MSRB3: variants seen among roughly 807,000 people sequenced by gnomAD.
MSRB3 encodes the protein methionine-R-sulfoxide reductase B3.
Under a neutral mutation model 21.0 loss-of-function variants are expected in MSRB3, and 13 were observed. The observed-to-expected ratio is 0.62, with a 90% CI of 0.40 to 0.98. The LOEUF (loss-of-function observed/expected upper bound fraction) is 0.98. Ranked by LOEUF, MSRB3 falls within the 50% of genes least tolerant of loss-of-function variation. The pLI, the probability that MSRB3 is intolerant of heterozygous loss-of-function variation, is 0.00. For missense variants in MSRB3, 199 were observed against 230.3 expected, an observed-to-expected ratio of 0.86 and a Z score of 0.88; for synonymous variants, 87 against 88.6, an observed-to-expected ratio of 0.98 and a Z score of 0.10.
intron 5 of MSRB3, among the ~76,000 whole-genome samples, chr12:65,446,304 G>A (rs1882614268): frequency 6.6e-6 from 1 of 152,196 alleles, no homozygotes; most frequent in South Asian, 2.1e-4. Context: ...CATTGCAGAT[G>A]TCATAAAAGT....
At position 65,463,467 on chromosome 12, in the gene MSRB3, G is replaced by A; in HGVS notation, c.*145G>A. The A allele has an allele frequency of 1.0e-6, 1 of 983,160 alleles. No homozygotes were observed. The highest frequency in any genetic ancestry group is 1.5e-6 in the Non-Finnish European group (1 of 675,826). The allele number at this position is 983,160 out of a possible 1,614,324, so 60.9% of individuals were successfully genotyped here. On this transcript the variant is annotated 3_prime_UTR_variant, in exon 7 of 7. Coordinates refer to ENST00000308259, the MANE Select transcript of MSRB3 (RefSeq NM_001031679.3). Reference sequence around the variant, plus strand: ...TATTTTTTCTTCTTTTGCTTAAACAGAAGCCCTGGCCATCCATGTATTTTG... The same window carrying A: ...TATTTTTTCTTCTTTTGCTTAAACAAAAGCCCTGGCCATCCATGTATTTTG...
At chr12:65,374,970 C>G in intron 5 of MSRB3, among the ~76,000 whole-genome samples, 1 of 151,664 alleles carries the variant, frequency 6.6e-6, no homozygotes, top group Middle Eastern at 3.2e-3. Context: ...CTGCTTCAGC[C>G]TCTCGAGTAG....
In MSRB3 at chr12:65,453,212, T is replaced by G. The variant is rs192313447; in HGVS notation, c.293-516T>G. Among the ~76,000 whole-genome samples, 387 of 152,228 alleles carry G rather than the reference T, an allele frequency of 2.5e-3. 1 individual carries two copies. Among genetic ancestry groups the G allele is most frequent in the Non-Finnish European group, 4.7e-3 (318 of 68,014 alleles). ...CCAGATAACCCTTTTTCCAGGAAAT[T>G]AGATGAGGATGGTGACAACAGGATA... On this transcript the variant is annotated intron_variant, in intron 5 of 6. Coordinates refer to ENST00000308259, the MANE Select transcript of MSRB3 (RefSeq NM_001031679.3).
At chr12:65,316,115 C>G (rs1874280651) in intron 2 of MSRB3, 4 of 152,116 alleles carry the variant, frequency 2.6e-5, no homozygotes, top group Admixed American at 2.6e-4. Flanking sequence ...TCTGTATTTA[C>G]TAGTTTGTTT....
In MSRB3 at chr12:65,307,125, T is replaced by C. The variant is rs565410077; in HGVS notation, c.-51-1404T>C. ...AGTGTTGTGAGGTATAGACCTTTGA[T>C]CTTTTATTAGTCAGTAGTCTGCTCC... is the stretch of plus-strand genomic sequence containing the variant. On this transcript the variant is annotated intron_variant, in intron 1 of 6. Transcript: ENST00000308259. The C allele has an allele frequency of 1.8e-4, 142 of 778,068 alleles. 1 individual carries two copies. The African/African-American group carries it at 2.6e-3, about 14-fold the overall frequency. 48.2% of individuals were successfully genotyped at this position (778,068 alleles called of 1,614,324 possible). A position where few individuals can be genotyped will look rare whatever the true frequency, so the allele number is the denominator to read the frequency against.
At chr12:65,441,119 CGTCT>C (rs1339631780) in intron 5 of MSRB3, among the ~76,000 whole-genome samples, 2 of 151,732 alleles carry the variant, frequency 1.3e-5, no homozygotes, top group Non-Finnish European at 2.9e-5. Context: ...CAAATTTATC[CGTCT>C]GAGATTCAAC....
chr12:65,337,050 T>A (rs1465036664), intron 4 of MSRB3, among the ~76,000 whole-genome samples: 1 of 152,162 alleles, frequency 6.6e-6, no homozygotes, highest in African/African-American at 2.4e-5. Context: ...AAGACCATCC[T>A]GGCCAACATG....
chr12:65,456,784 C>A lies in MSRB3; in HGVS notation c.390+2959C>A, dbSNP rs73322378. 5.8e-3 allele frequency among the ~76,000 whole-genome samples: 881 copies of A among 152,300 alleles called. 9 individuals are homozygous for A. The highest frequency in any genetic ancestry group is 0.021 in the African/African-American group (856 of 41,558). ...TACACGCTTTGGAGTAAAGTAAGTT[C>A]TATGCAGGAGAGAATGAGGTTCCAG... On this transcript the variant is annotated intron_variant, in intron 6 of 6. Transcript: ENST00000308259.
chr12:65,461,696 G>A (rs7306113), intron 6 of MSRB3, among the ~76,000 whole-genome samples: 74,211 of 151,952 alleles, frequency 0.49, 18,789 homozygotes, highest in African/African-American at 0.63. Context: ...TCCATTTGGT[G>A]TCTCATCCCC....
At chr12:65,371,788 T>C (rs1283740542) in intron 5 of MSRB3, among the ~76,000 whole-genome samples, 4 of 152,206 alleles carry the variant, frequency 2.6e-5, no homozygotes, top group Admixed American at 1.3e-4. Flanking sequence ...TTGTTGAATG[T>C]ATACCAAATG....
At chr12:65,384,567 T>C (rs879104449) in intron 5 of MSRB3, among the ~76,000 whole-genome samples, 2 of 152,146 alleles carry the variant, frequency 1.3e-5, no homozygotes, top group African/African-American at 4.8e-5. Flanking sequence ...CTATCTTAAG[T>C]TTCTACCCTA....
chr12:65,415,722 G>A (rs1330661751), intron 5 of MSRB3, among the ~76,000 whole-genome samples: 3 of 152,140 alleles, frequency 2.0e-5, no homozygotes, highest in Non-Finnish European at 4.4e-5. Context: ...TTGTGTCAAG[G>A]GTGTGATTCT....
intron 5 of MSRB3, among the ~76,000 whole-genome samples, chr12:65,425,308 T>C (rs986088659): frequency 1.3e-5 from 2 of 152,072 alleles, no homozygotes; most frequent in Non-Finnish European, 2.9e-5. Context: ...TTTATTCATT[T>C]AGCCAATCTG....
At chr12:65,284,239 T>G (rs1035947443) in intron 1 of MSRB3, 7 of 152,232 alleles carry the variant, frequency 4.6e-5, no homozygotes, top group African/African-American at 1.7e-4. Context: ...AGGTGAATTA[T>G]AGGTTATATA....
At chr12:65,423,541 T>C (rs571901798) in intron 5 of MSRB3, among the ~76,000 whole-genome samples, 1 of 152,122 alleles carries the variant, frequency 6.6e-6, no homozygotes, top group Non-Finnish European at 1.5e-5. Context: ...TGTTGAGAGC[T>C]TTTATCATGA....
In MSRB3 at chr12:65,452,837, A is replaced by G. The variant is rs1196286424; in HGVS notation, c.293-891A>G. Among the ~76,000 whole-genome samples, 4 of 152,284 alleles carry G rather than the reference A, an allele frequency of 2.6e-5. No individual in the cohort carries two copies. In the East Asian group the frequency reaches 7.7e-4, roughly 29 times the overall value. ...ATGTGACTTGTGAAAAAGAAAAAAA[A>G]ATTGCACCAGCACTTCAGCAACATC... On this transcript the variant is annotated intron_variant, in intron 5 of 6. Coordinates refer to ENST00000308259, the MANE Select transcript of MSRB3 (RefSeq NM_001031679.3).
intron 5 of MSRB3, among the ~76,000 whole-genome samples, chr12:65,410,590 G>A (rs990067473): frequency 3.9e-5 from 6 of 152,168 alleles, no homozygotes; most frequent in Non-Finnish European, 8.8e-5. Context: ...GCTGCAGTGA[G>A]CTAAGATCGC....
At chr12:65,293,304 G>A (rs1485653251) in intron 1 of MSRB3, among the ~76,000 whole-genome samples, 3 of 152,100 alleles carry the variant, frequency 2.0e-5, no homozygotes, top group African/African-American at 4.8e-5. Context: ...TTTTAGTCAT[G>A]TTTCTCTTTT....
At chr12:65,427,948 C>T (rs910704477) in intron 5 of MSRB3, among the ~76,000 whole-genome samples, 1 of 152,166 alleles carries the variant, frequency 6.6e-6, no homozygotes, top group Admixed American at 6.5e-5. Context: ...TGGACAAACC[C>T]AGTGCAGCCA....
Sources: gnomAD v4.1 joint callset for allele counts (sites outside exome capture counted in the v4.1 genomes callset) on GRCh38, gnomAD v4.1.1 for gene constraint, MANE v1.5 for transcripts, NCBI Gene and HGNC (gene_info 2026-07-23, HGNC 2026-07-21) for gene names.